Variants in FGF7 observed in about 807,000 individuals in gnomAD.
FGF7 encodes the protein fibroblast growth factor 7, also known as FGF-7.
In FGF7, 6 loss-of-function variants were observed where a neutral mutation model predicts 20.5. The ratio of observed to expected loss-of-function variants is 0.29; its 90% confidence interval spans 0.16 to 0.58. The LOEUF (loss-of-function observed/expected upper bound fraction) is 0.58, where lower values mean the gene tolerates loss of function less well. Ranked by LOEUF, FGF7 falls within the 20% of genes least tolerant of loss-of-function variation. FGF7 has a pLI of 0.90. For missense variants in FGF7, 144 were observed against 228.8 expected (o/e 0.63, Z 2.39); for synonymous variants, 64 against 74.7 (o/e 0.86, Z 0.74).
chr15:49,478,434 T>C (rs1220718560), intron 2 of FGF7, among the ~76,000 whole-genome samples: 1 of 152,118 alleles, frequency 6.6e-6, no homozygotes, highest in African/African-American at 2.4e-5. Context: ...ATTTTAGTGA[T>C]GTAAAATGAA....
intron 2 of FGF7, among the ~76,000 whole-genome samples, chr15:49,479,906 G>A (rs1200657169): frequency 5.3e-5 from 8 of 152,216 alleles, no homozygotes; most frequent in East Asian, 1.9e-4. Context: ...GAGCCACTGC[G>A]CTCCGCCCAT....
intron 2 of FGF7, among the ~76,000 whole-genome samples, chr15:49,446,419 G>GT (rs2052218311): frequency 6.6e-6 from 1 of 151,558 alleles, no homozygotes; most frequent in Admixed American, 6.6e-5. Context: ...AAATAATTTG[G>GT]TAAGTTACGA....
chr15:49,439,198 G>T (rs1428470475), intron 2 of FGF7, among the ~76,000 whole-genome samples: 2 of 151,514 alleles, frequency 1.3e-5, no homozygotes, highest in Non-Finnish European at 3.0e-5. Context: ...TCTTTGCTAT[G>T]TGGGCCTCTC....
At chr15:49,463,929 G>T (rs201491404) in intron 2 of FGF7, among the ~76,000 whole-genome samples, 3 of 132,256 alleles carry the variant, frequency 2.3e-5, no homozygotes, top group African/African-American at 8.8e-5. Flanking sequence ...GTTTTTGTTT[G>T]TTTTTTGTTT....
chr15:49,464,512 C>T (rs1567327726), intron 2 of FGF7, among the ~76,000 whole-genome samples: 2 of 152,014 alleles, frequency 1.3e-5, no homozygotes, highest in Non-Finnish European at 2.9e-5. Context: ...TGATAAAATG[C>T]TGGAAGACAG....
intron 2 of FGF7, among the ~76,000 whole-genome samples, chr15:49,460,317 G>T (rs1239082133): frequency 6.6e-6 from 1 of 152,128 alleles, no homozygotes; most frequent in Admixed American, 6.6e-5. Flanking sequence ...ACAATATGTT[G>T]AGACAAACAT....
At chr15:49,452,839 T>C (rs2052894365) in intron 2 of FGF7, among the ~76,000 whole-genome samples, 1 of 152,190 alleles carries the variant, frequency 6.6e-6, no homozygotes, top group South Asian at 2.1e-4. Flanking sequence ...CAGCAAACGT[T>C]AGCTGTTATA....
At chr15:49,480,502 G>T (rs1345567324) in intron 2 of FGF7, among the ~76,000 whole-genome samples, 2 of 122,798 alleles carry the variant, frequency 1.6e-5, no homozygotes, top group African/African-American at 3.1e-5. Context: ...TTTTTGGTGA[G>T]ACGGAGTCTC....
intron 2 of FGF7, among the ~76,000 whole-genome samples, chr15:49,436,705 T>C (rs1215323652): frequency 6.6e-6 from 1 of 151,564 alleles, no homozygotes; most frequent in Non-Finnish European, 1.5e-5. Context: ...CTAGGTTACA[T>C]AGCTAGTAAC....
At chr15:49,460,247 G>C (rs1402142615) in intron 2 of FGF7, among the ~76,000 whole-genome samples, 1 of 152,072 alleles carries the variant, frequency 6.6e-6, no homozygotes, top group African/African-American at 2.4e-5. Context: ...AGTGCCCCTA[G>C]AAGTAGGTAA....
chr15:49,448,090 A>C (rs1204597620), intron 2 of FGF7, among the ~76,000 whole-genome samples: 3 of 151,754 alleles, frequency 2.0e-5, no homozygotes, highest in Non-Finnish European at 4.4e-5. Context: ...GAACTTCAAA[A>C]GACAGAAATA....
At chr15:49,463,544 C>A (rs2053990797) in intron 2 of FGF7, among the ~76,000 whole-genome samples, 1 of 128,524 alleles carries the variant, frequency 7.8e-6, no homozygotes, top group African/African-American at 3.1e-5. Context: ...CAGTGAGATT[C>A]CGTCTCAAAA....
intron 2 of FGF7, among the ~76,000 whole-genome samples, chr15:49,425,884 T>C (rs1176919200): frequency 6.6e-6 from 1 of 151,718 alleles, no homozygotes; most frequent in East Asian, 1.9e-4. Context: ...TATACTAAAG[T>C]TTATCTAAGG....
chr15:49,480,069 A>G (rs1465889282), intron 2 of FGF7, among the ~76,000 whole-genome samples: 1 of 152,190 alleles, frequency 6.6e-6, no homozygotes, highest in Non-Finnish European at 1.5e-5. Flanking sequence ...TAGACTAGAA[A>G]ATAGGGTTGA....
intron 2 of FGF7, among the ~76,000 whole-genome samples, chr15:49,428,534 G>A (rs983986042): frequency 9.9e-5 from 15 of 151,924 alleles, no homozygotes; most frequent in African/African-American, 3.4e-4. Context: ...AGCAGACAGA[G>A]GCTATCATTC....
intron 2 of FGF7, among the ~76,000 whole-genome samples, chr15:49,452,134 T>G (rs774919934): frequency 6.6e-6 from 1 of 152,034 alleles, no homozygotes; most frequent in South Asian, 2.1e-4. Context: ...CTCTGCCTTC[T>G]AGGTTCAAGC....
chr15:49,431,131 T>C (rs2151786714), intron 2 of FGF7, among the ~76,000 whole-genome samples: 1 of 151,942 alleles, frequency 6.6e-6, no homozygotes, highest in Non-Finnish European at 1.5e-5. Flanking sequence ...ACTTAAGTAA[T>C]ATGGAGAAAA....
At chr15:49,454,785 A>AT (rs1200399564) in intron 2 of FGF7, among the ~76,000 whole-genome samples, 1 of 151,912 alleles carries the variant, frequency 6.6e-6, no homozygotes, top group Non-Finnish European at 1.5e-5. Context: ...AAATTTTTGT[A>AT]TTTTTAGTAG....
intron 2 of FGF7, among the ~76,000 whole-genome samples, chr15:49,455,078 C>T (rs548509797): frequency 6.6e-6 from 1 of 151,980 alleles, no homozygotes; most frequent in South Asian, 2.1e-4. Flanking sequence ...ACCTACTTTA[C>T]TTGTTTTAAA....
Sources: allele counts gnomAD v4.1 joint callset (sites outside exome capture counted in the v4.1 genomes callset), GRCh38; gene constraint gnomAD v4.1.1; transcripts MANE v1.5; gene names NCBI Gene and HGNC (gene_info 2026-07-23, HGNC 2026-07-21).